TMTC1: variants seen among roughly 807,000 people sequenced by gnomAD.
The protein encoded by TMTC1 is protein O-mannosyl-transferase TMTC1.
In TMTC1, 73 loss-of-function variants were observed where a neutral mutation model predicts 104.8. That is an observed-to-expected ratio of 0.70 (90% CI 0.58 to 0.85). TMTC1 has a LOEUF of 0.85. Among genes scored for constraint, TMTC1 ranks in the 40% least tolerant of loss-of-function variants. The pLI is 0.00. For missense variants in TMTC1, 1,035 were observed against 1,096.1 expected, an observed-to-expected ratio of 0.94 and a Z score of 0.79; for synonymous variants, 434 against 428.7, an observed-to-expected ratio of 1.01 and a Z score of -0.15.
intron 1 of TMTC1, among the ~76,000 whole-genome samples, chr12:29,776,994 G>A (rs1053085506): frequency 6.6e-6 from 1 of 152,176 alleles, no homozygotes; most frequent in African/African-American, 2.4e-5. Flanking sequence ...GTAGCCAGGG[G>A]TCAGATCAAA....
chr12:29,730,623 C>T (rs968105847), intron 5 of TMTC1, among the ~76,000 whole-genome samples: 2 of 152,154 alleles, frequency 1.3e-5, no homozygotes, highest in African/African-American at 2.4e-5. Flanking sequence ...TCATCTGCAG[C>T]GAGGATGGTG....
At chr12:29,710,551 T>C (rs904408454) in intron 5 of TMTC1, among the ~76,000 whole-genome samples, 5 of 145,846 alleles carry the variant, frequency 3.4e-5, no homozygotes, top group African/African-American at 5.0e-5. Context: ...TTATATATAA[T>C]ATATATAAAA....
chr12:29,776,908 C>T (rs1379979668), intron 1 of TMTC1, among the ~76,000 whole-genome samples: 1 of 152,116 alleles, frequency 6.6e-6, no homozygotes, highest in Non-Finnish European at 1.5e-5. Flanking sequence ...GTGGGTTTGG[C>T]CTGTGCAAAG....
chr12:29,673,198 A>G (rs1341057679), intron 5 of TMTC1, among the ~76,000 whole-genome samples: 1 of 152,048 alleles, frequency 6.6e-6, no homozygotes, highest in Non-Finnish European at 1.5e-5. Flanking sequence ...GTGAGGTTTC[A>G]ACTCTAGTCA....
At chr12:29,640,514 C>A (rs774249449) in intron 5 of TMTC1, 4 of 152,234 alleles carry the variant, frequency 2.6e-5, no homozygotes, top group Admixed American at 6.5e-5. Flanking sequence ...TCCCCCACAA[C>A]TGGAGAAGCT....
At chr12:29,562,662 T>A (rs1441244356) in intron 9 of TMTC1, among the ~76,000 whole-genome samples, 1 of 152,176 alleles carries the variant, frequency 6.6e-6, no homozygotes, top group Non-Finnish European at 1.5e-5. Flanking sequence ...TCCAGCTATG[T>A]GAGTTTGAAT....
chr12:29,597,658 A>T (rs1946447457), intron 7 of TMTC1, among the ~76,000 whole-genome samples: 1 of 152,122 alleles, frequency 6.6e-6, no homozygotes, highest in South Asian at 2.1e-4. Flanking sequence ...ATAAAGCTTA[A>T]AGTTTAAGAG....
At chr12:29,537,254 T>G (rs1033572898) in intron 10 of TMTC1, among the ~76,000 whole-genome samples, 1 of 152,202 alleles carries the variant, frequency 6.6e-6, no homozygotes, top group Non-Finnish European at 1.5e-5. Flanking sequence ...GTTACCAATA[T>G]AGAGTTGCGT....
At chr12:29,542,162 T>C (rs1257685489) in intron 10 of TMTC1, among the ~76,000 whole-genome samples, 1 of 152,100 alleles carries the variant, frequency 6.6e-6, no homozygotes, top group Non-Finnish European at 1.5e-5. Context: ...TGGTGAAAAA[T>C]AGATAAAATC....
At chr12:29,746,994 A>G (rs1280320265) in intron 5 of TMTC1, among the ~76,000 whole-genome samples, 1 of 152,200 alleles carries the variant, frequency 6.6e-6, no homozygotes. Context: ...TGAATGAATG[A>G]TCCATAATAT....
At chr12:29,657,032 G>T (rs1010368406) in intron 5 of TMTC1, among the ~76,000 whole-genome samples, 7 of 152,264 alleles carry the variant, frequency 4.6e-5, no homozygotes, top group Non-Finnish European at 1.0e-4. Flanking sequence ...ATAATTGGTT[G>T]GTGAGTTGAC....
intron 1 of TMTC1, among the ~76,000 whole-genome samples, chr12:29,769,142 A>T (rs545636942): frequency 4.6e-5 from 7 of 152,348 alleles, no homozygotes; most frequent in African/African-American, 1.7e-4. Flanking sequence ...TAGAGATGAC[A>T]TACGCGTATT....
chr12:29,783,130 G>T lies in TMTC1; in HGVS notation c.302+320C>A. ...AGTCCCACTTGGTCACGATCCGGCA[G>T]GCGAAGGGGTGCGGAGGCGGTTTCA... is the stretch of plus-strand genomic sequence containing the variant. On this transcript the variant is annotated intron_variant, in intron 1 of 17. Transcript: ENST00000539277. The surrounding 1 kb of genome is among the most constrained non-coding windows in gnomAD (Gnocchi z 4.7). 3.3e-6 allele frequency: 1 copy of T among 304,128 alleles called. No homozygotes were observed. The allele number at this position is 304,128 out of a possible 1,614,324, so 18.8% of individuals were successfully genotyped here. A position where few individuals can be genotyped will look rare whatever the true frequency, so the allele number is the denominator to read the frequency against.
chr12:29,540,158 G>A (rs904758433), intron 10 of TMTC1, among the ~76,000 whole-genome samples: 7 of 152,236 alleles, frequency 4.6e-5, no homozygotes, highest in Admixed American at 2.0e-4. Flanking sequence ...AGTGAAGCAC[G>A]TGTGGGGAAC....
In TMTC1 at chr12:29,673,425, AAGTCTACATGATTATTTTTAAAGGC is replaced by A. The variant is rs1940593848; in HGVS notation, c.939-40114_939-40090del. 2.6e-5 allele frequency among the ~76,000 whole-genome samples: 4 copies of A among 152,168 alleles called. No individual in the cohort carries two copies. In the South Asian group the frequency reaches 8.3e-4, roughly 31 times the overall value. On this transcript the variant is annotated intron_variant, in intron 5 of 17. Transcript: ENST00000539277. Reference sequence around the variant, plus strand: ...TGAAAATCAGAAATCCATAATAATTAAGTCTACATGATTATTTTTAAAGGCATGCTTCTTATGTTCATATAATTTT... The same window carrying A: ...TGAAAATCAGAAATCCATAATAATTAATGCTTCTTATGTTCATATAATTTT...
chr12:29,659,831 C>A, intron 5 of TMTC1: 1 of 1,401,120 alleles, frequency 7.1e-7, no homozygotes, highest in South Asian at 1.3e-5. Flanking sequence ...TAAGATTACT[C>A]AAAATTATCT....
intron 10 of TMTC1, among the ~76,000 whole-genome samples, chr12:29,551,806 CA>C: frequency 7.2e-6 from 1 of 139,540 alleles, no homozygotes; most frequent in Non-Finnish European, 1.5e-5. Flanking sequence ...TTTTTTTTGA[CA>C]TTTTAAATTC....
intron 8 of TMTC1, among the ~76,000 whole-genome samples, chr12:29,574,169 C>T (rs1294323015): frequency 1.3e-5 from 2 of 152,132 alleles, no homozygotes; most frequent in Admixed American, 6.5e-5. Context: ...AATAGCCCTG[C>T]ATGTTCATGT....
At chr12:29,510,813 C>G (rs141307204) in intron 17 of TMTC1, among the ~76,000 whole-genome samples, 4 of 152,320 alleles carry the variant, frequency 2.6e-5, no homozygotes, top group Admixed American at 6.5e-5. Context: ...TTTCTCTGCT[C>G]AAAGTCCTCC....
Sources: gnomAD v4.1 joint callset for allele counts (sites outside exome capture counted in the v4.1 genomes callset) on GRCh38, gnomAD v4.1.1 for gene constraint, Gnocchi (gnomAD v3.1) non-coding constraint, MANE v1.5 for transcripts, NCBI Gene and HGNC (gene_info 2026-07-23, HGNC 2026-07-21) for gene names.